Variants in TRIM71 observed in about 807,000 individuals in gnomAD.
TRIM71 encodes tripartite motif containing 71, also known as E3 ubiquitin-protein ligase TRIM71.
In TRIM71, 9 loss-of-function variants were observed where a neutral mutation model predicts 61.2. That is an observed-to-expected ratio of 0.15 (90% CI 0.09 to 0.26). TRIM71 has a LOEUF of 0.26. Among genes scored for constraint, TRIM71 ranks in the 10% least tolerant of loss-of-function variants. The pLI is 1.00. For missense variants in TRIM71, 998 were observed against 1,238.7 expected, an observed-to-expected ratio of 0.81 and a Z score of 2.92; for synonymous variants, 645 against 553.2, an observed-to-expected ratio of 1.17 and a Z score of -2.33.
chr3:32,821,862 G>A (rs1358818747), intron 1 of TRIM71, among the ~76,000 whole-genome samples: 1 of 151,860 alleles, frequency 6.6e-6, no homozygotes, highest in Non-Finnish European at 1.5e-5. Context: ...CGGCTCTGGG[G>A]ACGTGGCCTG....
chr3:32,858,422 A>C (rs1696630172), intron 1 of TRIM71, among the ~76,000 whole-genome samples: 1 of 152,190 alleles, frequency 6.6e-6, no homozygotes, highest in Non-Finnish European at 1.5e-5. Context: ...AAATAGTTTA[A>C]AAATTAGCAG....
intron 1 of TRIM71, among the ~76,000 whole-genome samples, chr3:32,860,453 AC>A (rs1340234833): frequency 1.3e-5 from 2 of 151,852 alleles, no homozygotes; most frequent in African/African-American, 4.8e-5. Context: ...ACTGCACCTG[AC>A]CCCTCACACC....
chr3:32,855,076 A>T (rs937375260), intron 1 of TRIM71, among the ~76,000 whole-genome samples: 2 of 152,214 alleles, frequency 1.3e-5, no homozygotes, highest in Admixed American at 6.5e-5. Context: ...TGCCTAATTT[A>T]TAAATTACAT....
intron 1 of TRIM71, among the ~76,000 whole-genome samples, chr3:32,866,516 C>A (rs1696738371): frequency 6.6e-6 from 1 of 152,178 alleles, no homozygotes; most frequent in Non-Finnish European, 1.5e-5. Context: ...CGTGAGCCAC[C>A]ACGCCTGATC....
intron 2 of TRIM71, among the ~76,000 whole-genome samples, chr3:32,876,036 G>T (rs1436496989): frequency 6.6e-5 from 10 of 152,162 alleles, no homozygotes; most frequent in Non-Finnish European, 1.5e-4. Flanking sequence ...GACTAATCCT[G>T]TTATTGTTAT....
At chr3:32,834,644 C>G (rs1696311352) in intron 1 of TRIM71, among the ~76,000 whole-genome samples, 1 of 152,056 alleles carries the variant, frequency 6.6e-6, no homozygotes, top group Admixed American at 6.5e-5. Context: ...GAGATCGAGA[C>G]CATCCTGACC....
chr3:32,820,012 C>T (rs1324298242), intron 1 of TRIM71, among the ~76,000 whole-genome samples: 1 of 152,242 alleles, frequency 6.6e-6, no homozygotes, highest in Non-Finnish European at 1.5e-5. Flanking sequence ...GTCGTCTTCT[C>T]CCCCGAACCC....
rs762583616 is a variant in TRIM71 at position 32,818,735 on chromosome 3, C to T, written c.655C>T (p.Leu219=). The change falls in exon 1 of 4, where the codon CTG becomes TTG. Residue 219 remains leucine, a synonymous_variant. Transcript: ENST00000383763. ...SSRCLDCQEH[L]CDNCVRAHQR... is the part of the protein sequence containing the mutation. ...GCGCTGCCTCGACTGCCAGGAGCAC[C>T]TGTGCGACAACTGCGTCCGAGCGCA... The T allele has an allele frequency of 5.6e-6, 9 of 1,601,276 alleles. No individual in the cohort carries two copies. Among genetic ancestry groups the T allele is most frequent in the Admixed American group, 5.0e-5 (3 of 59,546 alleles).
At chr3:32,819,817 C>G (rs996820071) in intron 1 of TRIM71, among the ~76,000 whole-genome samples, 13 of 152,236 alleles carry the variant, frequency 8.5e-5, no homozygotes, top group African/African-American at 3.1e-4. Flanking sequence ...CCCGGCTCAA[C>G]CAGGGTCTCG....
chr3:32,853,203 G>A (rs1204733850), intron 1 of TRIM71, among the ~76,000 whole-genome samples: 1 of 148,126 alleles, frequency 6.8e-6, no homozygotes, highest in Non-Finnish European at 1.5e-5. Flanking sequence ...TGCAACCTCC[G>A]CCTCCTGGGT....
rs1319422577 is a variant in TRIM71, at chr3:32,891,520, G to T, written c.2316G>T (p.Leu772=). 3.7e-6 allele frequency: 6 copies of T among 1,613,398 alleles called. No individual in the cohort carries two copies. In the African/African-American group the frequency reaches 6.7e-5, roughly 18 times the overall value. ...CTGACTTCAACAACCACCGGCTCCT[G>T]GTTATTCACCCCGACTGCCAGTCGG... The part of the protein sequence containing the change: ...VVTDFNNHRL[L]VIHPDCQSAR... The change falls in exon 4 of 4, where the codon CTG becomes CTT. Residue 772 remains leucine (L), a synonymous_variant. Transcript: ENST00000383763. This position sits in a 1 kb window ranked among gnomAD's most constrained non-coding sequence, Gnocchi z 8.2.
Position 32,892,419 on chromosome 3 carries a change from A to G in TRIM71, c.*608A>G, listed in dbSNP as rs1325617134. Reference sequence around the variant, plus strand: ...CTTCTCTTTTTAAATGCTGCAACAGAGAAATTTCCTCTGTTCTCTGTTTAT... The same window carrying G: ...CTTCTCTTTTTAAATGCTGCAACAGGGAAATTTCCTCTGTTCTCTGTTTAT... On this transcript the variant is annotated 3_prime_UTR_variant, in exon 4 of 4. Transcript: ENST00000383763. The G allele has an allele frequency of 6.6e-6, 1 of 152,344 alleles. No individual in the cohort carries two copies. Among genetic ancestry groups the G allele is most frequent in the Admixed American group, 6.5e-5 (1 of 15,288 alleles). The allele number at this position is 152,344 out of a possible 1,614,324, so 9.4% of individuals were successfully genotyped here. A position where few individuals can be genotyped will look rare whatever the true frequency, so the allele number is the denominator to read the frequency against.
At chr3:32,854,697 TTTGA>T (rs373650154) in intron 1 of TRIM71, among the ~76,000 whole-genome samples, 37 of 152,326 alleles carry the variant, frequency 2.4e-4, no homozygotes, top group African/African-American at 8.7e-4. Flanking sequence ...AGAATGGTGT[TTTGA>T]TTATCATTTT....
chr3:32,836,263 G>C (rs1040229070), intron 1 of TRIM71, among the ~76,000 whole-genome samples: 3 of 144,724 alleles, frequency 2.1e-5, no homozygotes, highest in Admixed American at 2.0e-4. Context: ...TCAATCTAAT[G>C]AAAAAAATGG....
At chr3:32,862,972 T>C (rs2125685623) in intron 1 of TRIM71, among the ~76,000 whole-genome samples, 1 of 152,324 alleles carries the variant, frequency 6.6e-6, no homozygotes, top group East Asian at 1.9e-4. Context: ...AAATAATACC[T>C]AATGGGAACA....
intron 1 of TRIM71, among the ~76,000 whole-genome samples, chr3:32,842,890 C>T (rs1353923966): frequency 1.3e-5 from 2 of 152,166 alleles, no homozygotes; most frequent in Non-Finnish European, 2.9e-5. Context: ...CTCTGGGAGC[C>T]TGCCTTACTC....
chr3:32,879,960 C>CA (rs1004493958), intron 2 of TRIM71, among the ~76,000 whole-genome samples: 5 of 151,666 alleles, frequency 3.3e-5, no homozygotes, highest in African/African-American at 1.2e-4. Context: ...GACTCTGTCT[C>CA]AAAAAAGAAA....
chr3:32,885,582 G>A (rs1181183596), intron 2 of TRIM71, among the ~76,000 whole-genome samples: 2 of 152,210 alleles, frequency 1.3e-5, no homozygotes, highest in Non-Finnish European at 2.9e-5. Context: ...GAAGTTGCTT[G>A]TGTGGCTGGA....
intron 2 of TRIM71, among the ~76,000 whole-genome samples, chr3:32,875,237 T>C (rs549638527): frequency 2.0e-5 from 3 of 152,364 alleles, no homozygotes; most frequent in Admixed American, 6.5e-5. Context: ...GGATGGTGAA[T>C]CCCCTGTAAT....
Sources: allele counts gnomAD v4.1 joint callset (sites outside exome capture counted in the v4.1 genomes callset), GRCh38; gene constraint gnomAD v4.1.1; non-coding constraint Gnocchi (gnomAD v3.1); transcripts MANE v1.5; gene names NCBI Gene and HGNC (gene_info 2026-07-23, HGNC 2026-07-21).